The following TF variants were observed in gnomAD, a reference collection of about 807,000 sequenced individuals.
TF encodes the protein serotransferrin.
Under a neutral mutation model 82.4 loss-of-function variants are expected in TF, and 55 were observed. The ratio of observed to expected loss-of-function variants is 0.67; its 90% CI spans 0.54 to 0.84. The LOEUF (loss-of-function observed/expected upper bound fraction) is 0.84, where lower values mean the gene tolerates loss of function less well. TF is among the 40% of genes least tolerant of loss of function. The pLI, the probability that TF is intolerant of heterozygous loss-of-function variation, is 0.00. For missense variants in TF, 737 were observed against 868.4 expected (o/e 0.85, Z 1.90); for synonymous variants, 332 against 332.6 (o/e 1.00, Z 0.02).
chr3:133,777,257 A>G lies in TF; in HGVS notation c.2062+19A>G. ...ACCTCATGTGAGTAGGAGGAACAGC[A>G]TGGGGAAGTGGCAACCAAACATGGT... On this transcript the variant is annotated intron_variant, in intron 16 of 16. Transcript: ENST00000402696. The G allele has an allele frequency of 1.2e-6, 2 of 1,608,508 alleles. No individual in the cohort carries two copies. The highest frequency in any genetic ancestry group is 1.7e-6 in the Non-Finnish European group (2 of 1,179,570).
the TF span, among the ~76,000 whole-genome samples, chr3:133,687,577 A>AC: frequency 1.3e-5 from 2 of 152,186 alleles, no homozygotes; most frequent in African/African-American, 2.4e-5. Flanking sequence ...AACAGTCAGT[A>AC]CCCATTTTCG....
In TF at chr3:133,791,272, A is replaced by G. The variant is rs1396439723; in HGVS notation, c.*12652A>G. 1 of 152,188 alleles carries G rather than the reference A, an allele frequency of 6.6e-6. No homozygotes were observed. The highest frequency in any genetic ancestry group is 1.5e-5 in the Non-Finnish European group (1 of 68,034). 9.4% of individuals were successfully genotyped at this position (152,188 alleles called of 1,614,324 possible). A position where few individuals can be genotyped will look rare whatever the true frequency, so the allele number is the denominator to read the frequency against. ...TTAAGTGTGTTGAGTATATTTTCATAAACAGAATTTGAGTCATATTTCTCT... is the reference window on the plus strand; with the variant it reads ...TTAAGTGTGTTGAGTATATTTTCATGAACAGAATTTGAGTCATATTTCTCT... On this transcript the variant is annotated 3_prime_UTR_variant, in exon 17 of 17. Coordinates refer to ENST00000402696, the MANE Select transcript of TF (RefSeq NM_001063.4).
chr3:133,687,568 A>T, the TF span, among the ~76,000 whole-genome samples: 1 of 152,264 alleles, frequency 6.6e-6, no homozygotes, highest in African/African-American at 2.4e-5. Context: ...TACCCATTAA[A>T]CAGTCAGTAC....
chr3:133,744,928 T>G (rs914909219), upstream of TF, among the ~76,000 whole-genome samples: 4 of 152,178 alleles, frequency 2.6e-5, no homozygotes, highest in Non-Finnish European at 5.9e-5. Flanking sequence ...GATGGAGCCT[T>G]TCAGGTGTCC....
intron 2 of TF, 94 bp downstream of exon 2, chr3:133,748,678 C>T: frequency 6.8e-7 from 1 of 1,470,480 alleles, no homozygotes; most frequent in Non-Finnish European, 9.3e-7. Flanking sequence ...AGGTAGGAGG[C>T]TGATATATGG....
At chr3:133,756,196 A>G in intron 5 of TF, 86 bp from the exon 6 acceptor site, 1 of 1,318,886 alleles carries the variant, frequency 7.6e-7, no homozygotes, top group Non-Finnish European at 1.1e-6. Context: ...TCCTAGTGTG[A>G]GTGCTGGACA....
intron 2 of TF, among the ~76,000 whole-genome samples, chr3:133,751,359 T>A (rs1054998785): frequency 6.6e-6 from 1 of 151,344 alleles, no homozygotes; most frequent in Admixed American, 6.6e-5. Context: ...CAGCCTCCCG[T>A]GTAGCTGGGA....
At chr3:133,703,143 T>C in the TF span, among the ~76,000 whole-genome samples, 1 of 152,228 alleles carries the variant, frequency 6.6e-6, no homozygotes, top group South Asian at 2.1e-4. Context: ...CAATGTGGGA[T>C]TGAAAAATCT....
chr3:133,749,012 T>C (rs1933590436), intron 2 of TF, among the ~76,000 whole-genome samples: 1 of 151,748 alleles, frequency 6.6e-6, no homozygotes, highest in Non-Finnish European at 1.5e-5. Context: ...AATATAAAAA[T>C]TAGCTGGGCA....
Position 133,756,885 on chromosome 3 carries a change from A to G in TF, c.746A>G (p.Asn249Ser), listed in dbSNP as rs1933850227. 6 of 1,614,026 alleles carry G rather than the reference A, an allele frequency of 3.7e-6. No homozygotes were observed. The highest frequency in any genetic ancestry group is 5.1e-6 in the Non-Finnish European group (6 of 1,180,030). Residue 249 changes from asparagine to serine, a missense_variant, in exon 7 of 17, where the codon AAC becomes AGC. Physicochemically the swap from Asn to Ser is conservative, Grantham distance 46. Coordinates refer to ENST00000402696, the MANE Select transcript of TF (RefSeq NM_001063.4). ...CAGTATGAGCTGCTTTGCCTGGACA[A>G]CACCCGGAAGCCGGTAGATGAATAC... ...RDQYELLCLD[N>S]TRKPVDEYKD...
At chr3:133,692,367 C>G in the TF span, among the ~76,000 whole-genome samples, 1 of 152,188 alleles carries the variant, frequency 6.6e-6, no homozygotes, top group African/African-American at 2.4e-5. Flanking sequence ...TCCTGGGACT[C>G]CTCTCACACC....
the TF span, among the ~76,000 whole-genome samples, chr3:133,663,995 T>C: frequency 1.3e-5 from 2 of 152,202 alleles, no homozygotes; most frequent in Non-Finnish European, 2.9e-5. Flanking sequence ...CTGTCTCTAG[T>C]ATCTACTCCT....
the TF span, among the ~76,000 whole-genome samples, chr3:133,673,973 C>G: frequency 3.3e-5 from 5 of 152,138 alleles, no homozygotes; most frequent in African/African-American, 1.2e-4. Context: ...CTTGGCCTCC[C>G]GGAGCAGAGG....
chr3:133,766,816 C>T (rs1485815059), intron 12 of TF, among the ~76,000 whole-genome samples: 5 of 152,142 alleles, frequency 3.3e-5, no homozygotes, highest in East Asian at 3.9e-4. Context: ...TGGTTGCCAT[C>T]GCATCCATGA....
At chr3:133,769,570 TA>T (rs1199696972) in intron 13 of TF, among the ~76,000 whole-genome samples, 3 of 151,804 alleles carry the variant, frequency 2.0e-5, no homozygotes, top group African/African-American at 7.3e-5. Flanking sequence ...CCAAAGAAAA[TA>T]AAATTAAATC....
the TF span, among the ~76,000 whole-genome samples, chr3:133,698,947 A>C: frequency 7.7e-4 from 118 of 152,352 alleles, no homozygotes; most frequent in Non-Finnish European, 1.4e-3. Context: ...CAGGCTCTGC[A>C]TCAAAGGGAA....
intron 13 of TF, among the ~76,000 whole-genome samples, chr3:133,768,597 C>A (rs1934185683): frequency 7.1e-6 from 1 of 141,556 alleles, no homozygotes; most frequent in Non-Finnish European, 1.5e-5. Flanking sequence ...GGCAATGATA[C>A]CCTACTGTAG....
chr3:133,690,942 T>C, the TF span, among the ~76,000 whole-genome samples: 1 of 152,298 alleles, frequency 6.6e-6, no homozygotes, highest in Non-Finnish European at 1.5e-5. Context: ...AGGTTATTTA[T>C]GTCAGTTTCT....
the TF span, among the ~76,000 whole-genome samples, chr3:133,724,607 C>T: frequency 2.0e-5 from 3 of 152,170 alleles, no homozygotes; most frequent in African/African-American, 7.2e-5. Context: ...TTGTAGGCTG[C>T]CTGTTCACTC....
Sources: allele counts gnomAD v4.1 joint callset (sites outside exome capture counted in the v4.1 genomes callset), GRCh38; gene constraint gnomAD v4.1.1; transcripts MANE v1.5; gene names NCBI Gene and HGNC (gene_info 2026-07-23, HGNC 2026-07-21).